Variants in FZD3 observed in about 807,000 individuals in gnomAD.
The protein encoded by FZD3 is frizzled class receptor 3, also known as frizzled-3.
In FZD3, 30 loss-of-function variants were observed where a neutral mutation model predicts 60.7. The ratio of observed to expected loss-of-function variants is 0.49; its 90% confidence interval spans 0.37 to 0.67. The LOEUF is 0.67. FZD3 is among the 30% of genes least tolerant of loss of function. The pLI, the probability that FZD3 is intolerant of heterozygous loss-of-function variation, is 0.00. For synonymous variants in FZD3, 246 were observed against 275.2 expected (o/e 0.89, Z 1.05); for missense variants, 605 against 838.7 (o/e 0.72, Z 3.44).
chr8:28,564,048 G>T lies in FZD3; in HGVS notation c.*1037G>T, dbSNP rs1480264983. On this transcript the variant is annotated 3_prime_UTR_variant, in exon 8 of 8. Transcript: ENST00000240093. Reference sequence around the variant, plus strand: ...CAATAGCCAGTAGGCTACAGCTTTTGCCCCACACCCTTATTTTCAGATTCT... The same window carrying T: ...CAATAGCCAGTAGGCTACAGCTTTTTCCCCACACCCTTATTTTCAGATTCT... 1.3e-5 allele frequency: 2 copies of T among 152,512 alleles called. No homozygotes were observed. The highest frequency in any genetic ancestry group is 6.6e-5 in the Admixed American group (1 of 15,258). 9.4% of individuals were successfully genotyped at this position (152,512 alleles called of 1,614,324 possible). A position where few individuals can be genotyped will look rare whatever the true frequency, so the allele number is the denominator to read the frequency against.
chr8:28,543,381 T>C (rs1473135204), intron 5 of FZD3, among the ~76,000 whole-genome samples: 1 of 148,046 alleles, frequency 6.8e-6, no homozygotes, highest in Admixed American at 6.6e-5. Flanking sequence ...CCACTGTTTT[T>C]GTTTTTGTTT....
chr8:28,557,323 C>CT (rs1805529981), intron 7 of FZD3, among the ~76,000 whole-genome samples: 3 of 150,462 alleles, frequency 2.0e-5, no homozygotes, highest in Admixed American at 6.6e-5. Context: ...TTTAAGATTT[C>CT]TTTTGGGAAA....
intron 5 of FZD3, among the ~76,000 whole-genome samples, chr8:28,539,816 C>G (rs1001556213): frequency 6.6e-6 from 1 of 151,374 alleles, no homozygotes; most frequent in African/African-American, 2.4e-5. Flanking sequence ...AAGCTAAGGT[C>G]TCAAAAACAA....
chr8:28,527,038 C>T lies in FZD3; in HGVS notation c.387-109C>T, dbSNP rs551026986. 4.6e-6 allele frequency: 4 copies of T among 878,262 alleles called. No individual in the cohort carries two copies. Among genetic ancestry groups the T allele is most frequent in the South Asian group, 1.7e-5 (1 of 60,090 alleles). The allele number at this position is 878,262 out of a possible 1,614,324, so 54.4% of individuals were successfully genotyped here. A position where few individuals can be genotyped will look rare whatever the true frequency, so the allele number is the denominator to read the frequency against. ...TTTATTTCTACATATTACATTTGCT[C>T]TCCAGGAATAAATAAGGTTGTGAGT... On this transcript the variant is annotated intron_variant, in intron 4 of 7. Transcript: ENST00000240093. The surrounding 1 kb of genome is among the most constrained non-coding windows in gnomAD (Gnocchi z 5.0).
intron 4 of FZD3, among the ~76,000 whole-genome samples, chr8:28,524,219 T>C (rs1331648934): frequency 2.0e-5 from 3 of 152,158 alleles, no homozygotes; most frequent in African/African-American, 7.2e-5. Flanking sequence ...CCTGATCTCA[T>C]TTGTTTCTTT....
intron 3 of FZD3, among the ~76,000 whole-genome samples, chr8:28,504,033 A>G (rs754622095): frequency 6.6e-6 from 1 of 152,200 alleles, no homozygotes; most frequent in Non-Finnish European, 1.5e-5. Flanking sequence ...TTTAGAGGGA[A>G]TGTTTGATAC....
intron 1 of FZD3, among the ~76,000 whole-genome samples, chr8:28,496,882 A>C (rs1204427058): frequency 1.3e-5 from 2 of 152,328 alleles, no homozygotes; most frequent in Admixed American, 6.5e-5. Flanking sequence ...AAAGCATGCA[A>C]ACCTTACAAA....
In FZD3 at chr8:28,527,544, G is replaced by A. The variant is rs1171693484; in HGVS notation, c.784G>A (p.Val262Ile). ...CATTGGATTTTTGCTTGAAGATCGA[G>A]TAGCCTGCAATGCATCCATCCCTGC... The part of the protein sequence containing the change: ...FFIGFLLEDR[V>I]ACNASIPAQY... Residue 262 changes from valine (V) to isoleucine (I), a missense_variant, in exon 5 of 8, where the codon GTA becomes ATA. Val to Ile is a conservative substitution (Grantham distance 29, BLOSUM62 3). Coordinates refer to ENST00000240093, the MANE Select transcript of FZD3 (RefSeq NM_017412.4). This position sits in a 1 kb window ranked among gnomAD's most constrained non-coding sequence, Gnocchi z 5.0. The A allele has an allele frequency of 6.2e-7, 1 of 1,614,046 alleles. No individual in the cohort carries two copies. The highest frequency in any genetic ancestry group is 8.5e-7 in the Non-Finnish European group (1 of 1,179,960).
At chr8:28,501,552 A>G (rs1379584173) in intron 2 of FZD3, among the ~76,000 whole-genome samples, 2 of 152,240 alleles carry the variant, frequency 1.3e-5, no homozygotes, top group African/African-American at 4.8e-5. Context: ...TCCAATGCAT[A>G]TGAAACAAAT....
intron 1 of FZD3, among the ~76,000 whole-genome samples, chr8:28,495,811 T>G (rs1803828500): frequency 6.6e-6 from 1 of 152,088 alleles, no homozygotes; most frequent in Non-Finnish European, 1.5e-5. Flanking sequence ...GAGCTGAAGA[T>G]AAAATATAAC....
chr8:28,502,346 A>G (rs1286966502), intron 2 of FZD3, among the ~76,000 whole-genome samples: 1 of 152,204 alleles, frequency 6.6e-6, no homozygotes, highest in Non-Finnish European at 1.5e-5. Context: ...ATTTAGGACA[A>G]TAGCATAATA....
At chr8:28,539,877 C>CT (rs1805117734) in intron 5 of FZD3, among the ~76,000 whole-genome samples, 1 of 151,544 alleles carries the variant, frequency 6.6e-6, no homozygotes, top group Non-Finnish European at 1.5e-5. Context: ...CTCAAGTGTT[C>CT]TTTTTTTGCA....
At chr8:28,495,009 C>T (rs561958869) in intron 1 of FZD3, among the ~76,000 whole-genome samples, 2 of 152,298 alleles carry the variant, frequency 1.3e-5, no homozygotes, top group Admixed American at 6.5e-5. Context: ...GTGGGTTTGC[C>T]GTGGGGTGGC....
At chr8:28,522,509 C>A (rs1402089765) in intron 4 of FZD3, among the ~76,000 whole-genome samples, 2 of 152,138 alleles carry the variant, frequency 1.3e-5, no homozygotes, top group Admixed American at 1.3e-4. Context: ...GGAAGTGTTT[C>A]CAGTCTCTCT....
chr8:28,509,931 T>C (rs1254871375), intron 3 of FZD3, among the ~76,000 whole-genome samples: 2 of 152,156 alleles, frequency 1.3e-5, no homozygotes, highest in Non-Finnish European at 2.9e-5. Flanking sequence ...TGCTTTAAAT[T>C]ATTTGGGGTT....
chr8:28,511,152 G>C (rs1031213983), intron 3 of FZD3, among the ~76,000 whole-genome samples: 1 of 151,952 alleles, frequency 6.6e-6, no homozygotes, highest in Non-Finnish European at 1.5e-5. Context: ...AGGAGTTTGA[G>C]ACCAGCCTGA....
intron 7 of FZD3, among the ~76,000 whole-genome samples, chr8:28,557,227 G>GAAA (rs1805527051): frequency 7.1e-6 from 1 of 141,724 alleles, no homozygotes; most frequent in African/African-American, 2.6e-5. Flanking sequence ...AAAAAAAAAA[G>GAAA]AAGAAGAAAT....
intron 5 of FZD3, among the ~76,000 whole-genome samples, chr8:28,542,513 C>T (rs959968061): frequency 3.9e-5 from 6 of 152,184 alleles, no homozygotes; most frequent in African/African-American, 1.4e-4. Flanking sequence ...TGGCGCATGC[C>T]TGTAATCCCA....
chr8:28,550,616 T>C (rs544873188), intron 5 of FZD3, among the ~76,000 whole-genome samples: 14 of 150,312 alleles, frequency 9.3e-5, no homozygotes, highest in African/African-American at 3.2e-4. Context: ...CTCAGCCTCC[T>C]GAGTACCTGG....
Sources: allele counts gnomAD v4.1 joint callset (sites outside exome capture counted in the v4.1 genomes callset), GRCh38; gene constraint gnomAD v4.1.1; non-coding constraint Gnocchi (gnomAD v3.1); transcripts MANE v1.5; gene names NCBI Gene and HGNC (gene_info 2026-07-23, HGNC 2026-07-21).